TTC29: variants seen among roughly 807,000 people sequenced by gnomAD.
TTC29 encodes the protein tetratricopeptide repeat domain 29.
A neutral mutation model predicts 58.1 loss-of-function variants in TTC29; 49 were observed. The ratio of observed to expected loss-of-function variants is 0.84; its 90% CI spans 0.67 to 1.07. The LOEUF (loss-of-function observed/expected upper bound fraction) is 1.07, where lower values mean the gene tolerates loss of function less well. TTC29 is among the 50% of genes least tolerant of loss of function. TTC29 has a pLI of 0.00. For missense variants in TTC29, 582 were observed against 555.6 expected, an observed-to-expected ratio of 1.05 and a Z score of -0.48; for synonymous variants, 209 against 196.8, an observed-to-expected ratio of 1.06 and a Z score of -0.52.
chr4:146,874,997 G>A (rs1448643083), intron 6 of TTC29, 69 bp from the exon 7 acceptor site: 13 of 1,223,096 alleles, frequency 1.1e-5, no homozygotes, highest in South Asian at 6.5e-5. Flanking sequence ...TTTTGCATAC[G>A]TTTTAGCTTT....
At chr4:146,780,954 G>GAAGATT (rs1364500011) in intron 11 of TTC29, among the ~76,000 whole-genome samples, 2 of 151,924 alleles carry the variant, frequency 1.3e-5, no homozygotes, top group Non-Finnish European at 2.9e-5. Flanking sequence ...TCTTGAACTT[G>GAAGATT]AAGATTAAAA....
At chr4:146,804,602 G>A (rs1750471209) in intron 10 of TTC29, among the ~76,000 whole-genome samples, 1 of 152,116 alleles carries the variant, frequency 6.6e-6, no homozygotes, top group African/African-American at 2.4e-5. Flanking sequence ...CCCTCACAGT[G>A]TAAAGAAAGC....
intron 8 of TTC29, among the ~76,000 whole-genome samples, chr4:146,847,919 G>T (rs1729278221): frequency 6.6e-6 from 1 of 152,214 alleles, no homozygotes; most frequent in Admixed American, 6.5e-5. Context: ...GGATGCTTTG[G>T]TGCCTAAATC....
chr4:146,918,434 T>C (rs1306412523), intron 4 of TTC29, among the ~76,000 whole-genome samples: 1 of 151,158 alleles, frequency 6.6e-6, no homozygotes, highest in Non-Finnish European at 1.5e-5. Flanking sequence ...TGGGTGATTA[T>C]ATTTTAGAAG....
At chr4:146,778,321 T>C (rs1748269698) in intron 11 of TTC29, among the ~76,000 whole-genome samples, 1 of 152,156 alleles carries the variant, frequency 6.6e-6, no homozygotes, top group African/African-American at 2.4e-5. Flanking sequence ...TTTAATATTT[T>C]CAGAGTTATT....
chr4:146,718,479 CA>C (rs2150001149), intron 11 of TTC29, among the ~76,000 whole-genome samples: 1 of 152,220 alleles, frequency 6.6e-6, no homozygotes, highest in South Asian at 2.1e-4. Flanking sequence ...GCAATGTTTC[CA>C]TATGTCTGTT....
intron 11 of TTC29, among the ~76,000 whole-genome samples, chr4:146,740,590 G>C (rs541725979): frequency 6.6e-6 from 1 of 152,042 alleles, no homozygotes; most frequent in African/African-American, 2.4e-5. Flanking sequence ...TGGGTATTTG[G>C]ATAAGTAAAT....
intron 4 of TTC29, among the ~76,000 whole-genome samples, chr4:146,930,458 A>G (rs1244552708): frequency 1.3e-5 from 2 of 152,136 alleles, no homozygotes; most frequent in African/African-American, 4.8e-5. Context: ...TGGTGAAGCA[A>G]AAGAGTTCTT....
chr4:146,929,393 A>G (rs1003571685), intron 4 of TTC29, among the ~76,000 whole-genome samples: 26 of 151,618 alleles, frequency 1.7e-4, no homozygotes, highest in African/African-American at 6.0e-4. Context: ...ACAGTGGCCA[A>G]TTATTTTATC....
At chr4:146,800,468 T>C (rs1434188151) in intron 11 of TTC29, among the ~76,000 whole-genome samples, 1 of 152,184 alleles carries the variant, frequency 6.6e-6, no homozygotes, top group Non-Finnish European at 1.5e-5. Context: ...AATGGCAAGA[T>C]TAAAGATGCC....
At chr4:146,790,189 T>C (rs66495517) in intron 11 of TTC29, among the ~76,000 whole-genome samples, 1 of 151,604 alleles carries the variant, frequency 6.6e-6, no homozygotes, top group African/African-American at 2.4e-5. Flanking sequence ...CTTTCTTTTT[T>C]TTTTTTTCTT....
intron 11 of TTC29, among the ~76,000 whole-genome samples, chr4:146,788,976 G>T (rs1749240648): frequency 6.6e-6 from 1 of 152,122 alleles, no homozygotes; most frequent in African/African-American, 2.4e-5. Flanking sequence ...ATATCTAAAG[G>T]AGGTGATGGG....
In TTC29 at chr4:146,937,611, T is replaced by C. The variant is rs1389181317; in HGVS notation, c.159A>G (p.Ser53=). 3.3e-6 allele frequency: 5 copies of C among 1,534,368 alleles called. No homozygotes were observed. The highest frequency in any genetic ancestry group is 2.8e-5 in the African/African-American group (2 of 72,246). The change falls in exon 4 of 13, where the codon TCA becomes TCG. Residue 53 remains serine, a synonymous_variant. Coordinates refer to ENST00000325106, the MANE Select transcript of TTC29 (RefSeq NM_031956.4). The part of the protein sequence containing the change: ...HYLEVNFKGL[S]KEEVAAYRNS... The stretch of plus-strand genomic sequence containing the variant: ...GTACTTACGCAGCAACTTCCTCTTT[T>C]GATAATCCTTTGAAATTTACCTCTA...
intron 6 of TTC29, among the ~76,000 whole-genome samples, chr4:146,896,747 C>T (rs1427633280): frequency 6.6e-6 from 1 of 152,062 alleles, no homozygotes; most frequent in East Asian, 1.9e-4. Flanking sequence ...TCAAGTTTGT[C>T]CTCAGCATCA....
At chr4:146,916,710 T>C (rs1420978824) in intron 4 of TTC29, among the ~76,000 whole-genome samples, 1 of 151,550 alleles carries the variant, frequency 6.6e-6, no homozygotes, top group Non-Finnish European at 1.5e-5. Context: ...TCATGTAAAT[T>C]TGGTAACTTT....
intron 9 of TTC29, among the ~76,000 whole-genome samples, chr4:146,827,799 G>T (rs6846438): frequency 0.062 from 9,478 of 152,166 alleles, 398 homozygotes; most frequent in Admixed American, 0.13. Flanking sequence ...CTCTCTACTT[G>T]ACATTGTCTA....
chr4:146,739,887 C>T (rs1744997003), intron 11 of TTC29, among the ~76,000 whole-genome samples: 1 of 152,146 alleles, frequency 6.6e-6, no homozygotes, highest in African/African-American at 2.4e-5. Context: ...CATCTCTCAG[C>T]CATCCTTTGC....
At chr4:146,902,945 AT>A (rs1327576382) in intron 6 of TTC29, among the ~76,000 whole-genome samples, 1 of 151,786 alleles carries the variant, frequency 6.6e-6, no homozygotes, top group African/African-American at 2.4e-5. Flanking sequence ...CTTTCCCTAT[AT>A]TTTCTTTTTA....
intron 7 of TTC29, among the ~76,000 whole-genome samples, chr4:146,868,916 G>C (rs897514939): frequency 6.6e-6 from 1 of 151,846 alleles, no homozygotes; most frequent in Non-Finnish European, 1.5e-5. Context: ...GTGAGCTCTT[G>C]CTCTATTAGT....
Sources: gnomAD v4.1 joint callset for allele counts (sites outside exome capture counted in the v4.1 genomes callset) on GRCh38, gnomAD v4.1.1 for gene constraint, MANE v1.5 for transcripts, NCBI Gene and HGNC (gene_info 2026-07-23, HGNC 2026-07-21) for gene names.